The following SLC12A7 variants were observed in gnomAD, a reference collection of about 807,000 sequenced individuals.
SLC12A7 encodes the protein solute carrier family 12 member 7, also known as K-Cl cotransporter 4.
A neutral mutation model predicts 120.6 loss-of-function variants in SLC12A7; 100 were observed. The observed-to-expected ratio is 0.83, with a 90% confidence interval of 0.71 to 0.98. The LOEUF (loss-of-function observed/expected upper bound fraction) is 0.98. Ranked by LOEUF, SLC12A7 falls within the 50% of genes least tolerant of loss-of-function variation. SLC12A7 has a pLI of 0.00. For synonymous variants in SLC12A7, 760 were observed against 678.0 expected (o/e 1.12, Z -1.88); for missense variants, 1,373 against 1,548.1 (o/e 0.89, Z 1.90).
chr5:1,142,262 C>T, the SLC12A7 span, among the ~76,000 whole-genome samples: 5 of 148,422 alleles, frequency 3.4e-5, no homozygotes, highest in South Asian at 2.2e-4. Context: ...AAACCTCCCC[C>T]GTCTCCTGTC....
chr5:1,099,013 C>T (rs1269603572), intron 1 of SLC12A7, among the ~76,000 whole-genome samples: 1 of 152,058 alleles, frequency 6.6e-6, no homozygotes, highest in Admixed American at 6.5e-5. Context: ...CAGGGGAAAG[C>T]CTGGGCGTGC....
chr5:1,082,088 C>T (rs984158768), intron 8 of SLC12A7, among the ~76,000 whole-genome samples: 1 of 145,486 alleles, frequency 6.9e-6, no homozygotes, highest in Non-Finnish European at 1.5e-5. Flanking sequence ...TCTGGAAAGC[C>T]TGGGCTTCCT....
chr5:1,108,918 C>A (rs1251571675), intron 1 of SLC12A7, among the ~76,000 whole-genome samples: 5 of 152,176 alleles, frequency 3.3e-5, no homozygotes, highest in Non-Finnish European at 7.3e-5. Context: ...GGCAGGACCG[C>A]CCCTGGACAA....
chr5:1,085,229 C>T lies in SLC12A7; in HGVS notation c.917+3G>A. The T allele has an allele frequency of 1.2e-6, 2 of 1,612,110 alleles. No homozygotes were observed. Among genetic ancestry groups the T allele is most frequent in the Non-Finnish European group, 1.7e-6 (2 of 1,179,598 alleles). On this transcript the variant is annotated splice_donor_region_variant and intron_variant, in intron 7 of 23. Coordinates refer to ENST00000264930, the MANE Select transcript of SLC12A7 (RefSeq NM_006598.3). ...CCCACGGCTCAGAGGCCCCGAGACTCACGGGATGTCCGGGGGGTCGAAGGC... is the reference window on the plus strand; with the variant it reads ...CCCACGGCTCAGAGGCCCCGAGACTTACGGGATGTCCGGGGGGTCGAAGGC...
At chr5:1,057,859 C>T (rs1306875777) in intron 21 of SLC12A7, among the ~76,000 whole-genome samples, 2 of 152,172 alleles carry the variant, frequency 1.3e-5, no homozygotes, top group East Asian at 1.9e-4. Flanking sequence ...CAAACGCTCA[C>T]CCCCTCACCT....
In SLC12A7 at chr5:1,074,619, G is replaced by C; in HGVS notation, c.2020C>G (p.Arg674Gly). Residue 674 changes from arginine (R) to glycine (G), a missense_variant, in exon 16 of 24, where the codon CGC (arginine) becomes GGC (glycine). Transcript: ENST00000264930. ...TGCTCCACGCGCAGCAGGGCGTAGCGGGCGGCGTTCAGGGATAGGCCACGG... is the reference window on the plus strand; with the variant it reads ...TGCTCCACGCGCAGCAGGGCGTAGCCGGCGGCGTTCAGGGATAGGCCACGG... ...GIRGLSLNAA[R>G]YALLRVEHGP... The C allele has an allele frequency of 6.2e-7, 1 of 1,612,842 alleles. No individual in the cohort carries two copies. Among genetic ancestry groups the C allele is most frequent in the Non-Finnish European group, 8.5e-7 (1 of 1,179,922 alleles).
the SLC12A7 span, among the ~76,000 whole-genome samples, chr5:1,151,959 G>T: frequency 6.6e-6 from 1 of 152,194 alleles, no homozygotes; most frequent in Non-Finnish European, 1.5e-5. This position sits in a 1 kb window ranked among gnomAD's most constrained non-coding sequence, Gnocchi z 6.2. Flanking sequence ...AGCTACATGG[G>T]GGCTGTCATC....
intron 1 of SLC12A7, among the ~76,000 whole-genome samples, chr5:1,107,587 G>A (rs1219533004): frequency 6.6e-6 from 1 of 152,164 alleles, no homozygotes; most frequent in African/African-American, 2.4e-5. Flanking sequence ...GTGTGACTTC[G>A]GCCCCGACCA....
intron 22 of SLC12A7, chr5:1,056,460 C>T: frequency 2.8e-6 from 1 of 352,774 alleles, no homozygotes; most frequent in Non-Finnish European, 4.0e-6. Flanking sequence ...CGCACACAAG[C>T]CACCGTGCAC....
chr5:1,101,410 G>A (rs1374361349), intron 1 of SLC12A7, among the ~76,000 whole-genome samples: 3 of 152,164 alleles, frequency 2.0e-5, no homozygotes, highest in Admixed American at 6.5e-5. Context: ...CAGCAGGCCC[G>A]ACCTGGGTCC....
At chr5:1,087,134 C>A in intron 5 of SLC12A7, 101 bp from the exon 6 acceptor site, 7 of 1,428,076 alleles carry the variant, frequency 4.9e-6, no homozygotes, top group Non-Finnish European at 5.6e-6. Context: ...GGGCCTGTCT[C>A]TGCGAAGGCA....
At chr5:1,137,247 G>A in the SLC12A7 span, among the ~76,000 whole-genome samples, 2 of 152,102 alleles carry the variant, frequency 1.3e-5, no homozygotes, top group Non-Finnish European at 1.5e-5. Flanking sequence ...CAGAGCACTC[G>A]AGGCCAGGCA....
At chr5:1,087,558 T>A (rs962860393) in intron 5 of SLC12A7, among the ~76,000 whole-genome samples, 2 of 152,214 alleles carry the variant, frequency 1.3e-5, no homozygotes, top group African/African-American at 4.8e-5. Context: ...GACGCGGCCA[T>A]CGTGAAGCAG....
chr5:1,123,073 C>T, the SLC12A7 span, among the ~76,000 whole-genome samples: 2 of 152,186 alleles, frequency 1.3e-5, no homozygotes, highest in Non-Finnish European at 2.9e-5. Context: ...ACCTCCTAAT[C>T]GTTCTGGCTG....
At chr5:1,091,924 G>C (rs574693146) in intron 3 of SLC12A7, among the ~76,000 whole-genome samples, 24 of 136,962 alleles carry the variant, frequency 1.8e-4, no homozygotes, top group Non-Finnish European at 3.0e-4. Flanking sequence ...GCTACAGACA[G>C]GGGGGGCGGC....
the SLC12A7 span, among the ~76,000 whole-genome samples, chr5:1,140,723 C>T: frequency 2.0e-5 from 3 of 152,258 alleles, no homozygotes; most frequent in Non-Finnish European, 2.9e-5. Flanking sequence ...GCCCAGGGCC[C>T]CGGGGAGGGC....
chr5:1,062,086 G>C (rs904168315), intron 20 of SLC12A7, among the ~76,000 whole-genome samples: 5 of 152,192 alleles, frequency 3.3e-5, no homozygotes, highest in Non-Finnish European at 7.4e-5. Flanking sequence ...AGCATGGGGG[G>C]TGCTGGGAGC....
At chr5:1,145,392 G>A in the SLC12A7 span, among the ~76,000 whole-genome samples, 5 of 152,178 alleles carry the variant, frequency 3.3e-5, no homozygotes, top group African/African-American at 4.8e-5. The surrounding 1 kb of genome is among the most constrained non-coding windows in gnomAD (Gnocchi z 4.4). Context: ...CAGAAGCCCC[G>A]AGTGCCCAGC....
intron 1 of SLC12A7, among the ~76,000 whole-genome samples, chr5:1,106,451 CAAAAAAA>C (rs36005053): frequency 2.4e-5 from 2 of 81,840 alleles, no homozygotes; most frequent in African/African-American, 1.0e-4. Flanking sequence ...AACTCTGTCT[CAAAAAAA>C]AAAAAAAAAA....
Sources: gnomAD v4.1 joint callset for allele counts (sites outside exome capture counted in the v4.1 genomes callset) on GRCh38, gnomAD v4.1.1 for gene constraint, Gnocchi (gnomAD v3.1) non-coding constraint, MANE v1.5 for transcripts, NCBI Gene and HGNC (gene_info 2026-07-23, HGNC 2026-07-21) for gene names.